The following NFASC variants were observed in gnomAD, a reference collection of about 807,000 sequenced individuals.
The protein encoded by NFASC is neurofascin homolog.
NFASC carries 43 observed loss-of-function variants against 147.5 expected under a neutral mutation model. That is an observed-to-expected ratio of 0.29 (90% confidence interval 0.23 to 0.38). The LOEUF (loss-of-function observed/expected upper bound fraction) is 0.38, where lower values mean the gene tolerates loss of function less well. Ranked by LOEUF, NFASC falls within the 10% of genes least tolerant of loss-of-function variation. NFASC has a pLI of 1.00. For synonymous variants in NFASC, 622 were observed against 665.5 expected (o/e 0.93, Z 1.01); for missense variants, 1,320 against 1,689.0 (o/e 0.78, Z 3.83).
intron 1 of NFASC, among the ~76,000 whole-genome samples, chr1:204,853,869 T>A (rs1033745984): frequency 6.6e-6 from 1 of 152,096 alleles, no homozygotes; most frequent in Non-Finnish European, 1.5e-5. Flanking sequence ...GGGTCTCTCC[T>A]GGCAAGGGGG....
chr1:204,978,630 T>G (rs1480169280), intron 17 of NFASC, among the ~76,000 whole-genome samples: 2 of 152,252 alleles, frequency 1.3e-5, no homozygotes, highest in East Asian at 3.8e-4. Context: ...ATGGGTCTGA[T>G]GACGGGTGGC....
intron 2 of NFASC, among the ~76,000 whole-genome samples, chr1:204,938,546 G>A (rs1323286373): frequency 6.6e-6 from 1 of 152,114 alleles, no homozygotes; most frequent in Non-Finnish European, 1.5e-5. Flanking sequence ...CCTGCCGCCG[G>A]CTCCCATACT....
chr1:204,994,625 A>G (rs1235739088), intron 24 of NFASC, among the ~76,000 whole-genome samples: 1 of 152,124 alleles, frequency 6.6e-6, no homozygotes, highest in South Asian at 2.1e-4. Context: ...CGGTGTGATG[A>G]TTCAGGTTAA....
At chr1:204,896,930 A>T (rs935896232) in intron 1 of NFASC, among the ~76,000 whole-genome samples, 1 of 152,168 alleles carries the variant, frequency 6.6e-6, no homozygotes, top group Non-Finnish European at 1.5e-5. Flanking sequence ...CCCGGGGCTC[A>T]AGTCTGGCAG....
chr1:205,008,491 C>T (rs566805692), intron 27 of NFASC: 42 of 152,766 alleles, frequency 2.7e-4, no homozygotes, highest in African/African-American at 9.6e-4. Context: ...TTGATCCTTC[C>T]CTTCTGTCAC....
At chr1:204,865,709 T>C (rs1558517690) in intron 1 of NFASC, among the ~76,000 whole-genome samples, 1 of 152,226 alleles carries the variant, frequency 6.6e-6, no homozygotes, top group Non-Finnish European at 1.5e-5. Context: ...TCAGGAAATG[T>C]GAGTCTCTGA....
Position 204,863,263 on chromosome 1 carries a change from C to T in NFASC, c.-200+34481C>T, listed in dbSNP as rs117911281. ...ACTCACTCCGGAGTTTGAAGAATATCGCCCTCTGGGGAAATAGCGCTTCTG... is the reference window on the plus strand; with the variant it reads ...ACTCACTCCGGAGTTTGAAGAATATTGCCCTCTGGGGAAATAGCGCTTCTG... On this transcript the variant is annotated intron_variant, in intron 1 of 29. Coordinates refer to ENST00000339876, the MANE Select transcript of NFASC (RefSeq NM_001005388.3). 2.1e-3 allele frequency among the ~76,000 whole-genome samples: 315 copies of T among 152,324 alleles called. 3 individuals carry two copies. In the East Asian group the frequency reaches 0.053, roughly 26 times the overall value.
chr1:204,968,921 T>C lies in NFASC; in HGVS notation c.942T>C (p.Tyr314=), dbSNP rs1402938250. Residue 314 remains tyrosine (Y), a synonymous_variant, in exon 10 of 30, where the codon TAT becomes TAC. Coordinates refer to ENST00000339876, the MANE Select transcript of NFASC (RefSeq NM_001005388.3). This position sits in a 1 kb window ranked among gnomAD's most constrained non-coding sequence, Gnocchi z 5.4. The part of the protein sequence containing the change: ...TNVSEEDSGE[Y]FCLASNKMGS... The stretch of plus-strand genomic sequence containing the variant: ...TCTCTGAGGAAGACTCCGGGGAGTA[T>C]TTCTGCCTGGCCTCCAACAAGATGG... 1 of 1,614,030 alleles carries C rather than the reference T, an allele frequency of 6.2e-7. No individual in the cohort carries two copies. Among genetic ancestry groups the C allele is most frequent in the East Asian group, 2.2e-5 (1 of 44,860 alleles).
intron 16 of NFASC, 83 bp downstream of exon 16, chr1:204,976,878 G>A (rs538783055): frequency 1.9e-5 from 29 of 1,543,450 alleles, no homozygotes; most frequent in South Asian, 8.6e-5. Context: ...GGGCAGTTCC[G>A]AGGGCAGTGC....
Position 205,017,001 on chromosome 1 carries a change from C to T in NFASC, c.*462C>T, listed in dbSNP as rs968864585. 9 of 279,560 alleles carry T rather than the reference C, an allele frequency of 3.2e-5. No individual in the cohort carries two copies. The highest frequency in any genetic ancestry group is 2.0e-4 in the African/African-American group (9 of 45,932). The allele number at this position is 279,560 out of a possible 1,614,324, so 17.3% of individuals were successfully genotyped here. A position where few individuals can be genotyped will look rare whatever the true frequency, so the allele number is the denominator to read the frequency against. ...AAAAGAAAGAATAAGTGGATTCTCC[C>T]CCAGGAGAATCCTTTTTGCAAAGAT... On this transcript the variant is annotated 3_prime_UTR_variant, in exon 30 of 30. Transcript: ENST00000339876.
intron 1 of NFASC, among the ~76,000 whole-genome samples, chr1:204,898,885 A>T (rs1394059865): frequency 6.6e-6 from 1 of 152,244 alleles, no homozygotes; most frequent in Non-Finnish European, 1.5e-5. Flanking sequence ...GGAGGAGGTT[A>T]AATGAGGAGA....
intron 1 of NFASC, chr1:204,871,105 C>G (rs2077605045): frequency 3.1e-6 from 4 of 1,289,542 alleles, no homozygotes; most frequent in Admixed American, 2.3e-5. Context: ...CTCTTGGCCT[C>G]TCATCCTCAC....
At chr1:204,912,734 G>A (rs2087926862) in intron 1 of NFASC, among the ~76,000 whole-genome samples, 1 of 151,020 alleles carries the variant, frequency 6.6e-6, no homozygotes, top group Admixed American at 6.6e-5. Flanking sequence ...TTAAAAAATT[G>A]TGGTCTAGGC....
intron 17 of NFASC, 118 bp from the exon 18 acceptor site, chr1:204,978,849 TG>T: frequency 2.8e-6 from 2 of 717,922 alleles, no homozygotes; most frequent in Non-Finnish European, 4.6e-6. Flanking sequence ...CAGGGCAGGC[TG>T]GGGTTGGATC....
chr1:204,830,471 G>A (rs1571784475), intron 1 of NFASC, among the ~76,000 whole-genome samples: 1 of 152,298 alleles, frequency 6.6e-6, no homozygotes, highest in South Asian at 2.1e-4. Context: ...TGAAGGAGAT[G>A]GGGGCCTGCT....
At chr1:204,891,779 C>G (rs1283696002) in intron 1 of NFASC, among the ~76,000 whole-genome samples, 1 of 152,134 alleles carries the variant, frequency 6.6e-6, no homozygotes, top group Non-Finnish European at 1.5e-5. Context: ...TGGGGGACTC[C>G]TTGCAGGCTT....
At position 204,980,390 on chromosome 1, in the gene NFASC, G is replaced by T. The variant is rs2095489224; in HGVS notation, c.2197G>T (p.Asp733Tyr). The T allele has an allele frequency of 1.2e-6, 2 of 1,613,774 alleles. No individual in the cohort carries two copies. Among genetic ancestry groups the T allele is most frequent in the Non-Finnish European group, 1.7e-6 (2 of 1,179,844 alleles). The change falls in exon 20 of 30, where the codon GAC becomes TAC. Residue 733 changes from aspartate to tyrosine, a missense_variant. This residue lies in a region of NFASC where 981 missense variants were observed against 1,289.5 expected (regional missense o/e 0.76). Coordinates refer to ENST00000339876, the MANE Select transcript of NFASC (RefSeq NM_001005388.3). ...SGAPPESNPG[D>Y]VKGEGTRKNN... ...TCCAGCCCCCGAGTCCAATCCTGGT[G>T]ACGTGAAGGGAGAGGGGACCAGAAA... is the stretch of plus-strand genomic sequence containing the variant.
At chr1:204,949,760 T>C (rs1382901190) in intron 3 of NFASC, among the ~76,000 whole-genome samples, 2 of 152,122 alleles carry the variant, frequency 1.3e-5, no homozygotes, top group Non-Finnish European at 2.9e-5. Context: ...GTGATGCATG[T>C]TAAAATTTGA....
At chr1:204,866,274 G>GTGTGTGCGTAGT (rs1265149223) in intron 1 of NFASC, among the ~76,000 whole-genome samples, 1 of 152,182 alleles carries the variant, frequency 6.6e-6, no homozygotes, top group Admixed American at 6.6e-5. Context: ...GGGATTTGGA[G>GTGTGTGCGTAGT]TGTGTGCGTA....
Sources: allele counts gnomAD v4.1 joint callset (sites outside exome capture counted in the v4.1 genomes callset), GRCh38; gene constraint gnomAD v4.1.1; regional missense constraint gnomAD v4.1.1; non-coding constraint Gnocchi (gnomAD v3.1); transcripts MANE v1.5; gene names NCBI Gene and HGNC (gene_info 2026-07-23, HGNC 2026-07-21).